The following CYP24A1 variants were observed in gnomAD, a reference collection of about 807,000 sequenced individuals.
CYP24A1 encodes the protein 1,25-dihydroxyvitamin D(3) 24-hydroxylase, mitochondrial.
In CYP24A1, 68 loss-of-function variants were observed where a neutral mutation model predicts 62.4. The ratio of observed to expected loss-of-function variants is 1.09; its 90% CI spans 0.90 to 1.33. The LOEUF (loss-of-function observed/expected upper bound fraction) is 1.33, where lower values mean the gene tolerates loss of function less well. CYP24A1 is among the 40% of genes most tolerant of loss of function. CYP24A1 has a pLI of 0.00. For missense variants in CYP24A1, 787 were observed against 653.0 expected (o/e 1.21, Z -2.24); for synonymous variants, 267 against 253.0 (o/e 1.06, Z -0.52).
chr20:54,170,484 C>T (rs147846023), intron 3 of CYP24A1, among the ~76,000 whole-genome samples: 39 of 152,276 alleles, frequency 2.6e-4, no homozygotes, highest in Middle Eastern at 3.4e-3. Context: ...TGTGGCCATA[C>T]AGCCCACATG....
At position 54,173,208 on chromosome 20, in the gene CYP24A1, C is replaced by G; in HGVS notation, c.259-109G>C. ...CCTAGGGGACCGGGGACCCTCCCTG[C>G]CCAGACGCCGAAGCGCACCATGCGC... is the stretch of plus-strand genomic sequence containing the variant. On this transcript the variant is annotated intron_variant, in intron 1 of 11. Transcript: ENST00000216862. The surrounding 1 kb of genome is among the most constrained non-coding windows in gnomAD (Gnocchi z 7.2). The G allele has an allele frequency of 2.0e-6, 3 of 1,515,482 alleles. No homozygotes were observed. Among genetic ancestry groups the G allele is most frequent in the Non-Finnish European group, 2.7e-6 (3 of 1,101,258 alleles). The allele number at this position is 1,515,482 out of a possible 1,614,324, so 93.9% of individuals were successfully genotyped here. A position where few individuals can be genotyped will look rare whatever the true frequency, so the allele number is the denominator to read the frequency against.
downstream of CYP24A1, among the ~76,000 whole-genome samples, chr20:54,151,972 G>C (rs1377089815): frequency 6.6e-6 from 1 of 152,136 alleles, no homozygotes; most frequent in Non-Finnish European, 1.5e-5. Flanking sequence ...GGAGAGACTG[G>C]GGCAGCAAGA....
At position 54,158,938 on chromosome 20, in the gene CYP24A1, C is replaced by T; in HGVS notation, c.1157+19G>A. 6.2e-7 allele frequency: 1 copy of T among 1,614,154 alleles called. No individual in the cohort carries two copies. The highest frequency in any genetic ancestry group is 2.2e-5 in the East Asian group (1 of 44,878). ...CAGTGTTCTAACACATTTATATTGG[C>T]TCAGAGATAGGCTCTTACCTCATAG... On this transcript the variant is annotated intron_variant, in intron 8 of 11. Transcript: ENST00000216862.
rs748797835 is a variant in CYP24A1, at chr20:54,157,856, A to T, written c.1236+230T>A. ...GACGAAGTTGAGGCTCACAGAGATT[A>T]TGTAACTCACTCAAGACAACACAGA... On this transcript the variant is annotated intron_variant, in intron 9 of 11. Transcript: ENST00000216862. Among the ~76,000 whole-genome samples, 45 of 152,228 alleles carry T rather than the reference A, an allele frequency of 3.0e-4. 3 individuals carry two copies. The highest frequency in any genetic ancestry group is 1.3e-4 in the Admixed American group (2 of 15,278).
Position 54,153,955 on chromosome 20 carries a change from A to G in CYP24A1, c.*817T>C, listed in dbSNP as rs1195285711. On this transcript the variant is annotated 3_prime_UTR_variant, in exon 12 of 12. Transcript: ENST00000216862. ...CTGAATGTTTTTAAGCTGTGACTAA[A>G]CTTTGAAACATTGCCCTGCACCACA... The G allele has an allele frequency of 6.6e-6, 1 of 152,230 alleles. No individual in the cohort carries two copies. Among genetic ancestry groups the G allele is most frequent in the African/African-American group, 2.4e-5 (1 of 41,450 alleles). The allele number at this position is 152,230 out of a possible 1,614,324, so 9.4% of individuals were successfully genotyped here. A position where few individuals can be genotyped will look rare whatever the true frequency, so the allele number is the denominator to read the frequency against.
chr20:54,160,501 G>A (rs1238030785), intron 7 of CYP24A1, among the ~76,000 whole-genome samples: 3 of 152,232 alleles, frequency 2.0e-5, no homozygotes, highest in Non-Finnish European at 4.4e-5. Context: ...AGACCATTCA[G>A]AGATGATGGT....
chr20:54,172,731 G>T, intron 2 of CYP24A1, 178 bp downstream of exon 2: 2 of 1,408,154 alleles, frequency 1.4e-6, no homozygotes, highest in Middle Eastern at 2.6e-4. Flanking sequence ...TCCGTGGACC[G>T]ACTCTAATCT....
At chr20:54,158,834 TGCAG>T in intron 8 of CYP24A1, 119 bp downstream of exon 8, 4 of 1,520,744 alleles carry the variant, frequency 2.6e-6, no homozygotes, top group African/African-American at 1.4e-5. Flanking sequence ...AAGATTTTTT[TGCAG>T]TGTGATAATT....
At chr20:54,166,456 T>C (rs1029870756) in intron 4 of CYP24A1, among the ~76,000 whole-genome samples, 3 of 152,210 alleles carry the variant, frequency 2.0e-5, no homozygotes, top group Non-Finnish European at 4.4e-5. Context: ...CTCATCAACA[T>C]CTTGCTGCCA....
intron 3 of CYP24A1, 79 bp downstream of exon 3, chr20:54,171,498 T>C: frequency 6.2e-7 from 1 of 1,612,384 alleles, no homozygotes; most frequent in Non-Finnish European, 8.5e-7. Context: ...TCCTTTGTTC[T>C]TTGTAGCTGT....
chr20:54,159,203 C>G, intron 7 of CYP24A1, 80 bp from the exon 8 acceptor site: 1 of 1,081,098 alleles, frequency 9.2e-7, no homozygotes, highest in Non-Finnish European at 1.4e-6. Context: ...AAGGTGATGC[C>G]CACCACCTTA....
At chr20:54,146,282 G>A in the CYP24A1 span, among the ~76,000 whole-genome samples, 1 of 152,142 alleles carries the variant, frequency 6.6e-6, no homozygotes, top group Admixed American at 6.5e-5. Context: ...TGAAACACAG[G>A]CTGAACATCC....
At chr20:54,150,813 T>G (rs2092611432), downstream of CYP24A1, among the ~76,000 whole-genome samples, 2 of 152,212 alleles carry the variant, frequency 1.3e-5, no homozygotes, top group Admixed American at 1.3e-4. Context: ...CGTAGCTCGG[T>G]GCTGAGCATA....
chr20:54,165,191 C>T (rs1327813182), intron 5 of CYP24A1, among the ~76,000 whole-genome samples: 5 of 152,264 alleles, frequency 3.3e-5, no homozygotes, highest in South Asian at 2.1e-4. Flanking sequence ...GATCAGCGGG[C>T]CAGCAGGTGT....
chr20:54,144,338 C>T, the CYP24A1 span, among the ~76,000 whole-genome samples: 1 of 151,876 alleles, frequency 6.6e-6, no homozygotes, highest in East Asian at 1.9e-4. Flanking sequence ...TAGCCTCAAA[C>T]TCCTGGGCTC....
Position 54,169,619 on chromosome 20 carries a change from T to A in CYP24A1, c.613A>T (p.Ser205Cys), listed in dbSNP as rs372579163. ...DERGHVEDLY[S>C]ELNKWSFESI... ...TCAAACGACCATTTGTTCAGTTCGC[T>A]GTACAAGTCTTCAACGTGGCCTCTT... The change falls in exon 4 of 12, where the codon AGC (serine) becomes TGC (cysteine). Residue 205 changes from serine (S) to cysteine (C), a missense_variant. Transcript: ENST00000216862. 1 of 1,614,222 alleles carries A rather than the reference T, an allele frequency of 6.2e-7. No individual in the cohort carries two copies. The highest frequency in any genetic ancestry group is 8.5e-7 in the Non-Finnish European group (1 of 1,180,038).
chr20:54,154,850 G>A (rs1171059987), intron 11 of CYP24A1, 89 bp from the exon 12 acceptor site: 1 of 146,738 alleles, frequency 6.8e-6, no homozygotes, highest in Non-Finnish European at 1.5e-5. Flanking sequence ...GCTGTTGTAT[G>A]GTGTGGTGTT....
intron 11 of CYP24A1, 105 bp downstream of exon 11, chr20:54,157,064 A>G (rs1338337230): frequency 2.8e-6 from 2 of 701,996 alleles, no homozygotes; most frequent in Non-Finnish European, 5.3e-6. Context: ...AGCAAGTTAG[A>G]GGTGAGCTGG....
chr20:54,159,064 T>C lies in CYP24A1; in HGVS notation c.1050A>G (p.Gln350=), dbSNP rs1235129478. 6.2e-7 allele frequency: 1 copy of C among 1,614,056 alleles called. No individual in the cohort carries two copies. The highest frequency in any genetic ancestry group is 1.3e-5 in the African/African-American group (1 of 74,948). The change falls in exon 8 of 12, where the codon CAA becomes CAG. Residue 350 remains glutamine, a synonymous_variant. Coordinates refer to ENST00000216862, the MANE Select transcript of CYP24A1 (RefSeq NM_000782.5). The stretch of plus-strand genomic sequence containing the variant: ...CACTTTGAATTTCCTTAAGAAGCTT[T>C]TGTTGCACTTGGGGATTACGGGATA... ...YNLSRNPQVQ[Q]KLLKEIQSVL...
Sources: allele counts gnomAD v4.1 joint callset (sites outside exome capture counted in the v4.1 genomes callset), GRCh38; gene constraint gnomAD v4.1.1; non-coding constraint Gnocchi (gnomAD v3.1); transcripts MANE v1.5; gene names NCBI Gene and HGNC (gene_info 2026-07-23, HGNC 2026-07-21).